PIP4K2A: variants seen among roughly 807,000 people sequenced by gnomAD.
PIP4K2A encodes phosphatidylinositol-5-phosphate 4-kinase type 2 alpha.
A neutral mutation model predicts 42.9 loss-of-function variants in PIP4K2A; 14 were observed. The observed-to-expected ratio is 0.33, with a 90% CI of 0.22 to 0.51. PIP4K2A has a LOEUF of 0.51. Ranked by LOEUF, PIP4K2A falls within the 20% of genes least tolerant of loss-of-function variation. The pLI, the probability that PIP4K2A is intolerant of heterozygous loss-of-function variation, is 0.97. For missense variants in PIP4K2A, 434 were observed against 519.8 expected, an observed-to-expected ratio of 0.83 and a Z score of 1.61; for synonymous variants, 192 against 192.2, an observed-to-expected ratio of 1.00 and a Z score of 0.01.
intron 1 of PIP4K2A, among the ~76,000 whole-genome samples, chr10:22,676,843 T>C (rs1839569652): frequency 6.6e-6 from 1 of 152,160 alleles, no homozygotes; most frequent in South Asian, 2.1e-4. Context: ...CACTCAGTAC[T>C]AAGTGCCACA....
rs58431911 is a variant in PIP4K2A, at chr10:22,632,787, C to T, written c.145-23070G>A. On this transcript the variant is annotated intron_variant, in intron 1 of 9. Transcript: ENST00000376573. ...GGAAAAAAGGTAGGGGGAAATAGGA[C>T]ATAATATATTCTTGACTCTCTTACA... Among the ~76,000 whole-genome samples, 134 of 152,242 alleles carry T rather than the reference C, an allele frequency of 8.8e-4. 1 individual carries two copies. The highest frequency in any genetic ancestry group is 3.1e-3 in the African/African-American group (127 of 41,544).
Position 22,689,678 on chromosome 10 carries a change from T to C in PIP4K2A, c.144+24505A>G, listed in dbSNP as rs374969536. Among the ~76,000 whole-genome samples, 201 of 152,280 alleles carry C rather than the reference T, an allele frequency of 1.3e-3. 1 individual carries two copies. Among genetic ancestry groups the C allele is most frequent in the African/African-American group, 4.5e-3 (185 of 41,556 alleles). ...TCCCTCACAGATACTGAGGGATGACTGTAAACAGATTTCAAGGTGCATGAC... is the reference window on the plus strand; with the variant it reads ...TCCCTCACAGATACTGAGGGATGACCGTAAACAGATTTCAAGGTGCATGAC... On this transcript the variant is annotated intron_variant, in intron 1 of 9. Coordinates refer to ENST00000376573, the MANE Select transcript of PIP4K2A (RefSeq NM_005028.5).
chr10:22,575,702 G>T (rs774572541), intron 4 of PIP4K2A, among the ~76,000 whole-genome samples: 8 of 152,038 alleles, frequency 5.3e-5, no homozygotes, highest in Non-Finnish European at 1.0e-4. Context: ...CACTTTTGGA[G>T]GCCAAGGCAG....
chr10:22,615,175 T>C (rs1838146365), intron 1 of PIP4K2A, among the ~76,000 whole-genome samples: 3 of 152,212 alleles, frequency 2.0e-5, no homozygotes, highest in South Asian at 4.1e-4. Context: ...GGCATGATCA[T>C]GGCCAACTGC....
intron 8 of PIP4K2A, among the ~76,000 whole-genome samples, chr10:22,541,524 G>A (rs1027974788): frequency 6.6e-6 from 1 of 152,360 alleles, no homozygotes; most frequent in South Asian, 2.1e-4. Context: ...CAGTGTGTAT[G>A]TGCATATGTA....
intron 1 of PIP4K2A, among the ~76,000 whole-genome samples, chr10:22,646,611 A>G (rs1488862790): frequency 6.6e-6 from 1 of 152,240 alleles, no homozygotes; most frequent in Non-Finnish European, 1.5e-5. Context: ...ATAGTTGTTT[A>G]GAAGGCTAAT....
chr10:22,714,154 G>A, intron 1 of PIP4K2A, 29 bp downstream of exon 1: 1 of 1,587,244 alleles, frequency 6.3e-7, no homozygotes, highest in Non-Finnish European at 8.6e-7. Flanking sequence ...GAGGAGGAAG[G>A]GGACCGCGCG....
At chr10:22,591,907 T>C in intron 3 of PIP4K2A, 126 bp from the exon 4 acceptor site, 1 of 781,440 alleles carries the variant, frequency 1.3e-6, no homozygotes, top group Non-Finnish European at 1.9e-6. Flanking sequence ...GTGGGATAAA[T>C]TGATAAGTAG....
chr10:22,538,167 G>A (rs770888563), intron 9 of PIP4K2A, among the ~76,000 whole-genome samples: 4 of 152,192 alleles, frequency 2.6e-5, no homozygotes, highest in Non-Finnish European at 5.9e-5. Context: ...TCCAGGCCTC[G>A]GCTGCATGGA....
intron 1 of PIP4K2A, among the ~76,000 whole-genome samples, chr10:22,622,102 C>T (rs1838344130): frequency 6.6e-6 from 1 of 152,158 alleles, no homozygotes; most frequent in Non-Finnish European, 1.5e-5. Context: ...AAAACACCAC[C>T]ACCAAACATG....
intron 6 of PIP4K2A, among the ~76,000 whole-genome samples, chr10:22,558,980 G>A (rs1370098183): frequency 2.0e-5 from 3 of 152,130 alleles, no homozygotes; most frequent in African/African-American, 7.2e-5. Context: ...TAATGTCAAA[G>A]GTGACGGTTT....
intron 3 of PIP4K2A, among the ~76,000 whole-genome samples, chr10:22,593,866 G>A (rs1430523675): frequency 1.3e-5 from 2 of 152,182 alleles, no homozygotes; most frequent in Non-Finnish European, 2.9e-5. Context: ...TTGGGGGATG[G>A]GGAATAGTAA....
intron 1 of PIP4K2A, among the ~76,000 whole-genome samples, chr10:22,630,050 C>T (rs1037583768): frequency 6.6e-6 from 1 of 152,118 alleles, no homozygotes; most frequent in African/African-American, 2.4e-5. Context: ...CAAAAGCACA[C>T]CCAAGGCCAG....
Position 22,535,810 on chromosome 10 carries a change from A to G in PIP4K2A, c.*1391T>C, listed in dbSNP as rs1835904548. 1.1e-5 allele frequency: 3 copies of G among 284,080 alleles called. No homozygotes were observed. Among genetic ancestry groups the G allele is most frequent in the Non-Finnish European group, 1.9e-5 (3 of 154,078 alleles). The allele number at this position is 284,080 out of a possible 1,614,324, so 17.6% of individuals were successfully genotyped here. On this transcript the variant is annotated 3_prime_UTR_variant, in exon 10 of 10. Coordinates refer to ENST00000376573, the MANE Select transcript of PIP4K2A (RefSeq NM_005028.5). The stretch of plus-strand genomic sequence containing the variant: ...AAAACAATCAGCACAGTTTAGGGCA[A>G]TGAACTTTCATAAACCAGACTGGGG...
chr10:22,613,863 G>T (rs148441489), intron 1 of PIP4K2A, among the ~76,000 whole-genome samples: 1 of 152,196 alleles, frequency 6.6e-6, no homozygotes, highest in Non-Finnish European at 1.5e-5. Flanking sequence ...ACATAAAGGG[G>T]AAAGGAGTTC....
chr10:22,649,141 G>A (rs897987994), intron 1 of PIP4K2A, among the ~76,000 whole-genome samples: 1 of 152,320 alleles, frequency 6.6e-6, no homozygotes, highest in Non-Finnish European at 1.5e-5. Context: ...GCTGTTGCAT[G>A]CATTTGTTTA....
chr10:22,673,342 C>T (rs1221325556), intron 1 of PIP4K2A, among the ~76,000 whole-genome samples: 2 of 152,094 alleles, frequency 1.3e-5, no homozygotes, highest in South Asian at 2.1e-4. Flanking sequence ...TTTTTGTATG[C>T]GCAGGACTCA....
chr10:22,713,311 C>A (rs1165251643), intron 1 of PIP4K2A, among the ~76,000 whole-genome samples: 1 of 152,222 alleles, frequency 6.6e-6, no homozygotes, highest in African/African-American at 2.4e-5. Flanking sequence ...CGTTCTCCAG[C>A]CTTTCCCACA....
chr10:22,549,764 C>A (rs1201033404), intron 7 of PIP4K2A, among the ~76,000 whole-genome samples: 1 of 131,824 alleles, frequency 7.6e-6, no homozygotes, highest in Non-Finnish European at 1.5e-5. Context: ...TGGCGTGAAC[C>A]TGGGAGGCAG....
Sources: allele counts gnomAD v4.1 joint callset (sites outside exome capture counted in the v4.1 genomes callset), GRCh38; gene constraint gnomAD v4.1.1; transcripts MANE v1.5; gene names NCBI Gene and HGNC (gene_info 2026-07-23, HGNC 2026-07-21).